The following ONECUT1 variants were observed in gnomAD, a reference collection of about 807,000 sequenced individuals.
The protein encoded by ONECUT1 is one cut homeobox 1.
ONECUT1 carries 12 observed loss-of-function variants against 25.6 expected under a neutral mutation model. The ratio of observed to expected loss-of-function variants is 0.47; its 90% CI spans 0.30 to 0.76. ONECUT1 has a LOEUF of 0.76. ONECUT1 is among the 30% of genes least tolerant of loss of function. ONECUT1 has a pLI of 0.07. For missense variants in ONECUT1, 620 were observed against 651.2 expected (o/e 0.95, Z 0.52); for synonymous variants, 285 against 270.2 (o/e 1.05, Z -0.54).
intron 1 of ONECUT1, among the ~76,000 whole-genome samples, chr15:52,762,676 G>A (rs557504112): frequency 4.6e-5 from 7 of 152,180 alleles, no homozygotes; most frequent in Non-Finnish European, 4.4e-5. Flanking sequence ...GTATGTCTGC[G>A]AATAAGTAGA....
chr15:52,772,344 A>C (rs2083773316), intron 1 of ONECUT1, among the ~76,000 whole-genome samples: 1 of 151,374 alleles, frequency 6.6e-6, no homozygotes, highest in African/African-American at 2.4e-5. Flanking sequence ...CAGTGAGCCA[A>C]GATCGTGCCA....
At chr15:52,772,091 A>G (rs2083771314) in intron 1 of ONECUT1, among the ~76,000 whole-genome samples, 1 of 152,184 alleles carries the variant, frequency 6.6e-6, no homozygotes, top group Non-Finnish European at 1.5e-5. Context: ...ACAACCTGGC[A>G]GAGGAAAAAA....
chr15:52,758,674 G>C (rs934239167), intron 1 of ONECUT1, among the ~76,000 whole-genome samples: 1 of 152,050 alleles, frequency 6.6e-6, no homozygotes, highest in African/African-American at 2.4e-5. Context: ...CATTCCCTGC[G>C]CTTGCATGTC....
rs1200416153 is a variant in ONECUT1 at position 52,788,616 on chromosome 15, C to T, written c.1105+164G>A. 1 of 744,860 alleles carries T rather than the reference C, an allele frequency of 1.3e-6. No homozygotes were observed. Among genetic ancestry groups the T allele is most frequent in the Non-Finnish European group, 2.1e-6 (1 of 470,038 alleles). The allele number at this position is 744,860 out of a possible 1,614,324, so 46.1% of individuals were successfully genotyped here. Reference sequence around the variant, plus strand: ...GAGCCCTGGAGTAGGCAATTTGCTCCCACAGCCCTGTGCTGGCCCTTCCAG... The same window carrying T: ...GAGCCCTGGAGTAGGCAATTTGCTCTCACAGCCCTGTGCTGGCCCTTCCAG... On this transcript the variant is annotated intron_variant, in intron 1 of 1. Transcript: ENST00000305901. The surrounding 1 kb of genome is among the most constrained non-coding windows in gnomAD (Gnocchi z 4.3).
chr15:52,790,066 CGTGTGT>C lies in ONECUT1; in HGVS notation c.-188_-183del, dbSNP rs72061188. 280 of 696,476 alleles carry C rather than the reference CGTGTGT, an allele frequency of 4.0e-4. No homozygotes were observed. Among genetic ancestry groups the C allele is most frequent in the Middle Eastern group, 8.8e-4 (2 of 2,260 alleles). 43.1% of individuals were successfully genotyped at this position (696,476 alleles called of 1,614,324 possible). A position where few individuals can be genotyped will look rare whatever the true frequency, so the allele number is the denominator to read the frequency against. ...GTGTGTGTGTCCGTGTGTGCGTGTG[CGTGTGT>C]GTGTGTGTGTGTGTCTCGCCTTCCC... On this transcript the variant is annotated 5_prime_UTR_variant, in exon 1 of 2. Coordinates refer to ENST00000305901, the MANE Select transcript of ONECUT1 (RefSeq NM_004498.4).
intron 1 of ONECUT1, among the ~76,000 whole-genome samples, chr15:52,781,381 T>A (rs958891198): frequency 6.6e-6 from 1 of 152,238 alleles, no homozygotes. Context: ...AAATAAGTTT[T>A]CATAAGTGAC....
chr15:52,778,236 T>C (rs553039895), intron 1 of ONECUT1, among the ~76,000 whole-genome samples: 3 of 152,244 alleles, frequency 2.0e-5, no homozygotes, highest in African/African-American at 2.4e-5. Context: ...TTCTTGCCTC[T>C]TATCTCCCTG....
intron 1 of ONECUT1, among the ~76,000 whole-genome samples, chr15:52,781,450 T>C (rs1566993380): frequency 6.6e-6 from 1 of 152,234 alleles, no homozygotes; most frequent in African/African-American, 2.4e-5. Flanking sequence ...GCTTATTATG[T>C]AGAGACTTTT....
chr15:52,774,535 C>G (rs2440324), intron 1 of ONECUT1, among the ~76,000 whole-genome samples: 15,706 of 152,116 alleles, frequency 0.1, 1,045 homozygotes, highest in East Asian at 0.24. Flanking sequence ...CCTGACCTCA[C>G]GTGATCCTCC....
chr15:52,762,616 A>G (rs1480660715), intron 1 of ONECUT1, among the ~76,000 whole-genome samples: 2 of 152,144 alleles, frequency 1.3e-5, no homozygotes, highest in Admixed American at 6.6e-5. Flanking sequence ...GCCCTGGCCT[A>G]GGGCCTGGTT....
intron 1 of ONECUT1, among the ~76,000 whole-genome samples, chr15:52,778,292 A>T (rs1409177706): frequency 3.9e-5 from 6 of 152,138 alleles, no homozygotes; most frequent in Middle Eastern, 3.2e-3. Context: ...ATTTTTTTAA[A>T]AATAGTTTTT....
chr15:52,771,758 A>C (rs1277027465), intron 1 of ONECUT1, among the ~76,000 whole-genome samples: 2 of 152,106 alleles, frequency 1.3e-5, no homozygotes, highest in African/African-American at 4.8e-5. Flanking sequence ...CACCCATCAC[A>C]GGCAGATATT....
In ONECUT1 at chr15:52,781,009, A is replaced by C. The variant is rs144404495; in HGVS notation, c.1105+7771T>G. ...CTATATACTCTGTTTTGGTCAATTT[A>C]TTACTTTTTAGTGCAGAGCCCTAAA... On this transcript the variant is annotated intron_variant, in intron 1 of 1. Transcript: ENST00000305901. 4 of 598,836 alleles carry C rather than the reference A, an allele frequency of 6.7e-6. No homozygotes were observed. The East Asian group carries it at 4.1e-4, about 61-fold the overall frequency. The allele number at this position is 598,836 out of a possible 1,614,324, so 37.1% of individuals were successfully genotyped here. A position where few individuals can be genotyped will look rare whatever the true frequency, so the allele number is the denominator to read the frequency against.
At chr15:52,760,995 C>T (rs1443022820) in intron 1 of ONECUT1, among the ~76,000 whole-genome samples, 7 of 25,116 alleles carry the variant, frequency 2.8e-4, no homozygotes, top group Non-Finnish European at 4.6e-4. Context: ...TTGCCCTTGG[C>T]CAAAGGTTAT....
chr15:52,789,657 C>T lies in ONECUT1; in HGVS notation c.228G>A (p.Glu76=). Residue 76 remains glutamate, a synonymous_variant, in exon 1 of 2, where the codon GAG becomes GAA. Transcript: ENST00000305901. This position sits in a 1 kb window ranked among gnomAD's most constrained non-coding sequence, Gnocchi z 4.1. ...GATGCAGGGGGCCGGCCAGGCTGTG[C>T]TCAGGGGCCCGGTGGTGGTGGTGGT... ...GDYHHHHRAP[E]HSLAGPLHPT... is the part of the protein sequence containing the mutation. 6.5e-7 allele frequency: 1 copy of T among 1,540,910 alleles called. No individual in the cohort carries two copies.
At chr15:52,781,856 A>G (rs2083843325) in intron 1 of ONECUT1, among the ~76,000 whole-genome samples, 1 of 152,198 alleles carries the variant, frequency 6.6e-6, no homozygotes, top group Non-Finnish European at 1.5e-5. Flanking sequence ...ATAAATGTTG[A>G]GTCTTCAATG....
At position 52,757,558 on chromosome 15, in the gene ONECUT1, T is replaced by G; in HGVS notation, c.1395A>C (p.Ala465=). Residue 465 remains alanine (A), a synonymous_variant, in exon 2 of 2, where the codon GCA becomes GCC. Coordinates refer to ENST00000305901, the MANE Select transcript of ONECUT1 (RefSeq NM_004498.4). Reference sequence around the variant, plus strand: ...GTTTTAGTTTGTGGTTCTTCCTTCATGCTTTGGTACAAGTGCTTGATGAAG... The same window carrying G: ...GTTTTAGTTTGTGGTTCTTCCTTCAGGCTTTGGTACAAGTGCTTGATGAAG... ...SSSSSSTCTK[A] is the part of the protein sequence containing the mutation. 1 of 1,605,276 alleles carries G rather than the reference T, an allele frequency of 6.2e-7. No individual in the cohort carries two copies. The highest frequency in any genetic ancestry group is 1.1e-5 in the South Asian group (1 of 89,490).
At chr15:52,768,672 A>G (rs757055892) in intron 1 of ONECUT1, among the ~76,000 whole-genome samples, 1 of 152,240 alleles carries the variant, frequency 6.6e-6, no homozygotes, top group Non-Finnish European at 1.5e-5. Context: ...ATAGTAATTG[A>G]GAGTTATAAA....
chr15:52,780,438 A>G (rs1447743114), intron 1 of ONECUT1, among the ~76,000 whole-genome samples: 2 of 152,246 alleles, frequency 1.3e-5, no homozygotes, highest in Admixed American at 1.3e-4. Context: ...GCATCATTTG[A>G]AGTAAATGTT....
Sources: allele counts gnomAD v4.1 joint callset (sites outside exome capture counted in the v4.1 genomes callset), GRCh38; gene constraint gnomAD v4.1.1; non-coding constraint Gnocchi (gnomAD v3.1); transcripts MANE v1.5; gene names NCBI Gene and HGNC (gene_info 2026-07-23, HGNC 2026-07-21).